Variants in TRPM5 observed in about 807,000 individuals in gnomAD.
The protein encoded by TRPM5 is transient receptor potential cation channel subfamily M member 5, also known as MLSN1 and TRP-related.
TRPM5 carries 121 observed loss-of-function variants against 124.9 expected under a neutral mutation model. The observed-to-expected ratio is 0.97, with a 90% CI of 0.84 to 1.13. The LOEUF is 1.13. Ranked by LOEUF, TRPM5 falls within the 50% of genes most tolerant of loss-of-function variation. TRPM5 has a pLI of 0.00. For missense variants in TRPM5, 1,643 were observed against 1,589.1 expected (o/e 1.03, Z -0.58); for synonymous variants, 781 against 700.5 (o/e 1.11, Z -1.81).
intron 3 of TRPM5, 30 bp downstream of exon 8, chr11:2,421,002 C>G: frequency 6.6e-7 from 1 of 1,516,438 alleles, no homozygotes; most frequent in Non-Finnish European, 8.8e-7. Context: ...AGGCCCCCAG[C>G]GGTCGTGGTG....
At chr11:2,405,989 T>G in intron 22 of TRPM5, 30 bp downstream of exon 27, 3 of 1,589,934 alleles carry the variant, frequency 1.9e-6, no homozygotes, top group African/African-American at 1.3e-5. Context: ...CCGCCTCCCA[T>G]CAGGGAGAGG....
the TRPM5 span, among the ~76,000 whole-genome samples, chr11:2,429,240 A>G: frequency 6.7e-6 from 1 of 148,628 alleles, no homozygotes. The surrounding 1 kb of genome is among the most constrained non-coding windows in gnomAD (Gnocchi z 8.4). Flanking sequence ...TGGTGACTAT[A>G]GTCACTGGTG....
the TRPM5 span, among the ~76,000 whole-genome samples, chr11:2,443,578 G>A: frequency 6.6e-6 from 1 of 152,168 alleles, no homozygotes; most frequent in African/African-American, 2.4e-5. The surrounding 1 kb of genome is among the most constrained non-coding windows in gnomAD (Gnocchi z 5.0). Flanking sequence ...ACCTCACTAG[G>A]GTGGGGAGTC....
chr11:2,431,116 G>C, the TRPM5 span, among the ~76,000 whole-genome samples: 1 of 152,106 alleles, frequency 6.6e-6, no homozygotes, highest in Non-Finnish European at 1.5e-5. Context: ...TTGTCCCCTA[G>C]CATGGCTGAA....
At chr11:2,409,735 G>A (rs569287644) in intron 18 of TRPM5, among the ~76,000 whole-genome samples, 41 of 152,304 alleles carry the variant, frequency 2.7e-4, no homozygotes, top group African/African-American at 9.6e-4. Context: ...CCAAGGAATT[G>A]CAGCTCAGGG....
At chr11:2,409,656 C>T (rs928826385) in intron 18 of TRPM5, among the ~76,000 whole-genome samples, 2 of 152,196 alleles carry the variant, frequency 1.3e-5, no homozygotes, top group African/African-American at 4.8e-5. Flanking sequence ...GCATGAGGGG[C>T]TGGGTCACAG....
chr11:2,414,026 C>CCCCCCCCCCCCCCCCCCT, intron 12 of TRPM5, 35 bp downstream of exon 17: 1 of 1,543,152 alleles, frequency 6.5e-7, no homozygotes, highest in African/African-American at 1.4e-5. Context: ...CACCCCACCC[C>CCCCCCCCCCCCCCCCCCT]CTGGCAGCTC....
chr11:2,406,768 G>C, exon 21 of TRPM5: 1 of 1,613,154 alleles, frequency 6.2e-7, no homozygotes, highest in Non-Finnish European at 8.5e-7. Context: ...CGACCTTCTG[G>C]TCCAGGGGGT....
At chr11:2,410,130 A>G (rs1040218281) in intron 18 of TRPM5, among the ~76,000 whole-genome samples, 21 of 152,276 alleles carry the variant, frequency 1.4e-4, no homozygotes, top group African/African-American at 5.1e-4. Context: ...TGGTTAAACT[A>G]ATGGCCTGGA....
chr11:2,415,136 C>T (rs1264453774), exon 9 of TRPM5: 1 of 1,569,048 alleles, frequency 6.4e-7, no homozygotes, highest in African/African-American at 1.4e-5. Context: ...TCCTGCGGTC[C>T]CCTGGCCGGC....
At chr11:2,418,077 G>C in intron 6 of TRPM5, 90 bp downstream of exon 11, 1 of 1,252,966 alleles carries the variant, frequency 8.0e-7, no homozygotes. Context: ...GGAGGAGTGG[G>C]CTGGAGGCTG....
At chr11:2,406,663 G>A (rs951871108) in exon 21 of TRPM5, 2 of 1,608,832 alleles carry the variant, frequency 1.2e-6, no homozygotes, top group Non-Finnish European at 1.7e-6. Flanking sequence ...CCCCGCACCT[G>A]TGGGCGGTTT....
upstream of TRPM5, among the ~76,000 whole-genome samples, chr11:2,425,492 C>A (rs182249641): frequency 1.3e-5 from 2 of 152,348 alleles, no homozygotes; most frequent in African/African-American, 2.4e-5. Context: ...TCTGCAAGGA[C>A]CCCACTTCCA....
chr11:2,436,149 C>T, the TRPM5 span, among the ~76,000 whole-genome samples: 2 of 152,222 alleles, frequency 1.3e-5, no homozygotes, highest in African/African-American at 4.8e-5. Context: ...CTGAGTCATC[C>T]CACCTCCTCC....
At chr11:2,430,827 ATGG>A in the TRPM5 span, among the ~76,000 whole-genome samples, 15 of 92,902 alleles carry the variant, frequency 1.6e-4, no homozygotes, top group Admixed American at 3.8e-4. Flanking sequence ...GATGGTGTTG[ATGG>A]TGGTGGTGGT....
At chr11:2,421,080 C>T in exon 3 of TRPM5, 4 of 1,549,832 alleles carry the variant, frequency 2.6e-6, no homozygotes, top group Non-Finnish European at 3.5e-6. Flanking sequence ...CCAGCGAGGC[C>T]ATGCCGACAG....
intron 12 of TRPM5, 131 bp from the exon 18 acceptor site, chr11:2,413,719 C>T (rs1174083676): frequency 2.3e-6 from 2 of 865,472 alleles, no homozygotes; most frequent in South Asian, 1.5e-5. Context: ...GCCCTCCCTC[C>T]CGGAGCCCCC....
In TRPM5 at chr11:2,415,189, T is replaced by G. The variant is rs749613341; in HGVS notation, c.1411A>C (p.Lys471Gln). The G allele has an allele frequency of 7.6e-6, 12 of 1,584,970 alleles. No homozygotes were observed. In the South Asian group the frequency reaches 1.4e-4, roughly 18 times the overall value. ...CGGCAGGCGTCCTGCAGGAAGTCCT[T>G]GAGTACGCGGGAGACCTCGTGCAGG... Residue 471 changes from lysine to glutamine, a missense_variant, in exon 9 of 24, where the codon AAG becomes CAG. Physicochemically the swap from Lys to Gln is moderately conservative, Grantham distance 53. Transcript: ENST00000155858.
Position 2,410,585 on chromosome 11 carries a change from A to G in TRPM5, c.2782+767T>C, listed in dbSNP as rs550578054. 1.4e-5 allele frequency: 6 copies of G among 416,124 alleles called. No individual in the cohort carries two copies. In the East Asian group the frequency reaches 3.1e-4, roughly 21 times the overall value. The allele number at this position is 416,124 out of a possible 1,614,324, so 25.8% of individuals were successfully genotyped here. ...TCCCAGCCATCCCAGGGGCCTGCAC[A>G]GGTCCCTGCCCCACCCCAGAGCTCC... On this transcript the variant is annotated intron_variant, in intron 18 of 23. Transcript: ENST00000155858.
Sources: gnomAD v4.1 joint callset for allele counts (sites outside exome capture counted in the v4.1 genomes callset) on GRCh38, gnomAD v4.1.1 for gene constraint, Gnocchi (gnomAD v3.1) non-coding constraint, MANE v1.5 for transcripts, NCBI Gene and HGNC (gene_info 2026-07-23, HGNC 2026-07-21) for gene names.